Variants in AOAH observed in about 807,000 individuals in gnomAD.
The protein encoded by AOAH is acyloxyacyl hydrolase, also known as acyloxyacyl hydrolase (neutrophil).
AOAH carries 64 observed loss-of-function variants against 92.2 expected under a neutral mutation model. That is an observed-to-expected ratio of 0.69 (90% CI 0.57 to 0.86). The LOEUF (loss-of-function observed/expected upper bound fraction) is 0.86, where lower values mean the gene tolerates loss of function less well. Among genes scored for constraint, AOAH ranks in the 40% least tolerant of loss-of-function variants. The probability of loss-of-function intolerance (pLI) is 0.00; values close to 1 mark genes in which losing one functional copy is unlikely to be tolerated. For synonymous variants in AOAH, 263 were observed against 254.5 expected (o/e 1.03, Z -0.32); for missense variants, 656 against 694.6 (o/e 0.94, Z 0.62).
chr7:36,635,800 T>A (rs1793480950), intron 5 of AOAH, among the ~76,000 whole-genome samples: 1 of 152,164 alleles, frequency 6.6e-6, no homozygotes, highest in Non-Finnish European at 1.5e-5. Context: ...GGTGAGCACA[T>A]AACTTAACCT....
At chr7:36,543,616 T>C (rs919279300) in intron 15 of AOAH, among the ~76,000 whole-genome samples, 3 of 149,906 alleles carry the variant, frequency 2.0e-5, no homozygotes, top group Non-Finnish European at 4.5e-5. Flanking sequence ...GCCCTGATGC[T>C]AAACGAAGAA....
At chr7:36,694,766 C>T (rs1459587939) in intron 1 of AOAH, among the ~76,000 whole-genome samples, 3 of 152,110 alleles carry the variant, frequency 2.0e-5, no homozygotes, top group Non-Finnish European at 2.9e-5. Flanking sequence ...TTTCAACTCA[C>T]TTCAATATTT....
At chr7:36,604,969 C>T (rs1790895973) in intron 11 of AOAH, among the ~76,000 whole-genome samples, 1 of 152,174 alleles carries the variant, frequency 6.6e-6, no homozygotes, top group Non-Finnish European at 1.5e-5. Context: ...GTGATGCTAT[C>T]CTCAATTTCT....
At chr7:36,678,550 A>AGAGTGTGTGTGT (rs1796404886) in intron 2 of AOAH, among the ~76,000 whole-genome samples, 1 of 118,870 alleles carries the variant, frequency 8.4e-6, no homozygotes, top group Non-Finnish European at 1.9e-5. Flanking sequence ...TAAGATAAGC[A>AGAGTGTGTGTGT]GTGTGTGTGT....
At chr7:36,561,785 T>G (rs1006099915) in intron 13 of AOAH, among the ~76,000 whole-genome samples, 1 of 152,144 alleles carries the variant, frequency 6.6e-6, no homozygotes, top group Admixed American at 6.5e-5. Context: ...AGGGTACAGC[T>G]GGGAATCTGA....
At chr7:36,613,708 G>T (rs1264043570) in intron 11 of AOAH, among the ~76,000 whole-genome samples, 1 of 152,178 alleles carries the variant, frequency 6.6e-6, no homozygotes, top group African/African-American at 2.4e-5. Context: ...TGTATTTTTA[G>T]ATCAGGTAGT....
chr7:36,670,319 C>A (rs530943651), intron 3 of AOAH, among the ~76,000 whole-genome samples: 20 of 152,236 alleles, frequency 1.3e-4, no homozygotes, highest in Non-Finnish European at 2.5e-4. Context: ...AGAACATGCC[C>A]AATGAGGAAA....
intron 11 of AOAH, among the ~76,000 whole-genome samples, chr7:36,607,843 C>T (rs1042105352): frequency 1.8e-4 from 28 of 152,238 alleles, no homozygotes; most frequent in Middle Eastern, 3.4e-3. Flanking sequence ...TGCCTCTAGC[C>T]GGGCAGATAT....
intron 2 of AOAH, among the ~76,000 whole-genome samples, chr7:36,678,429 T>G (rs982059000): frequency 1.3e-5 from 2 of 152,230 alleles, no homozygotes; most frequent in Non-Finnish European, 2.9e-5. Context: ...GTACTGCTAA[T>G]GCAGAACTGG....
intron 1 of AOAH, among the ~76,000 whole-genome samples, chr7:36,691,190 A>T (rs1797375902): frequency 6.6e-6 from 1 of 152,210 alleles, no homozygotes; most frequent in Admixed American, 6.5e-5. Flanking sequence ...AAACTTCACA[A>T]CAACTCATAG....
At chr7:36,551,963 G>T (rs1786292586) in intron 13 of AOAH, among the ~76,000 whole-genome samples, 1 of 151,952 alleles carries the variant, frequency 6.6e-6, no homozygotes, top group Non-Finnish European at 1.5e-5. Flanking sequence ...CTGTTACCTG[G>T]GTATATTGTG....
chr7:36,707,172 C>T (rs1798470611), intron 1 of AOAH, among the ~76,000 whole-genome samples: 1 of 151,802 alleles, frequency 6.6e-6, no homozygotes, highest in African/African-American at 2.4e-5. Flanking sequence ...CTTTCTTTCA[C>T]TTGGGCAGTT....
At chr7:36,562,950 C>A (rs899261744) in intron 13 of AOAH, among the ~76,000 whole-genome samples, 1 of 151,770 alleles carries the variant, frequency 6.6e-6, no homozygotes, top group Non-Finnish European at 1.5e-5. Context: ...AGTTCGAGAC[C>A]AACCTGGCCA....
chr7:36,715,052 A>G (rs905525489), intron 1 of AOAH, among the ~76,000 whole-genome samples: 1 of 152,198 alleles, frequency 6.6e-6, no homozygotes, highest in Non-Finnish European at 1.5e-5. Flanking sequence ...CTGTTTGCAG[A>G]TGACATGATT....
intron 3 of AOAH, among the ~76,000 whole-genome samples, chr7:36,660,807 G>A (rs551725275): frequency 1.3e-5 from 2 of 151,918 alleles, no homozygotes; most frequent in South Asian, 2.1e-4. Flanking sequence ...ATAATTTTTC[G>A]AATGACATGA....
intron 2 of AOAH, among the ~76,000 whole-genome samples, chr7:36,682,565 A>T (rs1213818417): frequency 1.3e-5 from 2 of 152,190 alleles, no homozygotes; most frequent in Non-Finnish European, 2.9e-5. Flanking sequence ...TTATTTCTAA[A>T]CATATTATTT....
At chr7:36,571,061 T>C (rs530142099) in intron 13 of AOAH, among the ~76,000 whole-genome samples, 1 of 151,846 alleles carries the variant, frequency 6.6e-6, no homozygotes, top group Admixed American at 6.6e-5. Context: ...TCAGGTGGAG[T>C]GGCTAATCCA....
chr7:36,659,347 TC>T, intron 3 of AOAH, 82 bp from the exon 4 acceptor site: 1 of 1,166,094 alleles, frequency 8.6e-7, no homozygotes, highest in Non-Finnish European at 1.3e-6. Context: ...GAAAGGTAAA[TC>T]CCCAGAATGG....
At chr7:36,658,079 C>T (rs1794997503) in intron 4 of AOAH, among the ~76,000 whole-genome samples, 1 of 151,944 alleles carries the variant, frequency 6.6e-6, no homozygotes, top group Non-Finnish European at 1.5e-5. Flanking sequence ...AGTTAACTAA[C>T]TCTTCTAGGT....
Sources: allele counts gnomAD v4.1 joint callset (sites outside exome capture counted in the v4.1 genomes callset), GRCh38; gene constraint gnomAD v4.1.1; transcripts MANE v1.5; gene names NCBI Gene and HGNC (gene_info 2026-07-23, HGNC 2026-07-21).